CLVS1: variants seen among roughly 807,000 people sequenced by gnomAD.
The protein encoded by CLVS1 is clavesin-1.
In CLVS1, 10 loss-of-function variants were observed where a neutral mutation model predicts 33.1. That is an observed-to-expected ratio of 0.30 (90% CI 0.19 to 0.51). The LOEUF (loss-of-function observed/expected upper bound fraction) is 0.51. Among genes scored for constraint, CLVS1 ranks in the 20% least tolerant of loss-of-function variants. The pLI, the probability that CLVS1 is intolerant of heterozygous loss-of-function variation, is 0.97. For synonymous variants in CLVS1, 163 were observed against 166.1 expected (o/e 0.98, Z 0.14); for missense variants, 343 against 433.4 (o/e 0.79, Z 1.85).
chr8:61,198,130 T>C (rs897484785), intron 2 of CLVS1, among the ~76,000 whole-genome samples: 5 of 152,228 alleles, frequency 3.3e-5, no homozygotes, highest in African/African-American at 9.6e-5. Context: ...GTACAAATGA[T>C]GTAGGCTTCT....
At chr8:61,378,630 T>C (rs990363736) in intron 3 of CLVS1, among the ~76,000 whole-genome samples, 7 of 152,158 alleles carry the variant, frequency 4.6e-5, no homozygotes, top group Admixed American at 3.9e-4. Context: ...GTACAGTTCC[T>C]TCATCAAGGA....
At chr8:61,133,207 A>G (rs1011315484) in intron 2 of CLVS1, among the ~76,000 whole-genome samples, 4 of 152,118 alleles carry the variant, frequency 2.6e-5, no homozygotes, top group African/African-American at 7.2e-5. Flanking sequence ...AACAATGTCA[A>G]TGGAGTTCAA....
chr8:61,485,946 G>A (rs1252719588), intron 5 of CLVS1, among the ~76,000 whole-genome samples: 5 of 151,978 alleles, frequency 3.3e-5, no homozygotes, highest in South Asian at 2.1e-4. Context: ...GGGGCCTTTC[G>A]TGGGGTGGGG....
chr8:60,975,018 C>T, the CLVS1 span, among the ~76,000 whole-genome samples: 4 of 151,946 alleles, frequency 2.6e-5, no homozygotes, highest in South Asian at 2.1e-4. Flanking sequence ...AAAGCTCCCT[C>T]GATGGTTTTG....
chr8:61,373,018 C>T (rs1813500966), intron 2 of CLVS1, among the ~76,000 whole-genome samples: 1 of 152,218 alleles, frequency 6.6e-6, no homozygotes, highest in African/African-American at 2.4e-5. Context: ...AGCCACAATG[C>T]TCAGCTCACT....
rs1265187479 is a variant in CLVS1, at chr8:61,059,499, T to TATATATATATAC, written c.-243+2270_-243+2271insTATATATATACA. Among the ~76,000 whole-genome samples the TATATATATATAC allele has an allele frequency of 8.9e-4, 86 of 96,330 alleles. 1 individual carries two copies. The highest frequency in any genetic ancestry group is 6.7e-3 in the South Asian group (17 of 2,546). The allele number at this position is 96,330 out of a possible 152,430, so 63.2% of individuals were successfully genotyped here. A position where few individuals can be genotyped will look rare whatever the true frequency, so the allele number is the denominator to read the frequency against. Reference sequence around the variant, plus strand: ...ACATATATATATATATATATATATATACACATATCTTGAAAATAGCACGAG... The same window carrying TATATATATATAC: ...ACATATATATATATATATATATATATATATATATATACACACATATCTTGAAAATAGCACGAG... On this transcript the variant is annotated intron_variant, in intron 1 of 2. Coordinates refer to the CLVS1 transcript ENST00000522621.
At chr8:61,452,322 A>T (rs1563558978) in intron 3 of CLVS1, among the ~76,000 whole-genome samples, 2 of 152,224 alleles carry the variant, frequency 1.3e-5, no homozygotes. Context: ...ATAACACACC[A>T]TCAATAGAAA....
At chr8:61,462,610 T>C (rs868019044) in intron 5 of CLVS1, among the ~76,000 whole-genome samples, 11 of 152,326 alleles carry the variant, frequency 7.2e-5, no homozygotes, top group Middle Eastern at 6.8e-3. Context: ...CTTGTACATA[T>C]CCACCAGAGC....
At chr8:61,060,584 C>T (rs914581742) in intron 1 of CLVS1, among the ~76,000 whole-genome samples, 1 of 152,152 alleles carries the variant, frequency 6.6e-6, no homozygotes, top group Non-Finnish European at 1.5e-5. Flanking sequence ...GAAATGAGAA[C>T]AGGTCTCAAT....
intron 2 of CLVS1, among the ~76,000 whole-genome samples, chr8:61,269,984 T>G (rs1453507477): frequency 2.0e-5 from 3 of 148,944 alleles, no homozygotes; most frequent in Non-Finnish European, 4.5e-5. Flanking sequence ...CTTCCTCTTT[T>G]CCTAATTGAA....
chr8:61,471,971 C>T (rs1361445791), intron 5 of CLVS1, among the ~76,000 whole-genome samples: 1 of 152,234 alleles, frequency 6.6e-6, no homozygotes, highest in Non-Finnish European at 1.5e-5. Context: ...TGGCTTCCAT[C>T]CACTCCTTCT....
Position 61,130,485 on chromosome 8 carries a change from A to G in CLVS1, c.-242-1285A>G, listed in dbSNP as rs151012241. On this transcript the variant is annotated intron_variant, in intron 1 of 2. Coordinates refer to the CLVS1 transcript ENST00000522621. ...TAACGAATTAGTTCACCTATCTGTC[A>G]TCACTCAAAAGAGCTTTTAAGCCAG... 3.2e-3 allele frequency among the ~76,000 whole-genome samples: 489 copies of G among 152,282 alleles called. 3 individuals are homozygous for G. Among genetic ancestry groups the G allele is most frequent in the African/African-American group, 0.01 (431 of 41,572 alleles).
intron 3 of CLVS1, among the ~76,000 whole-genome samples, chr8:61,426,009 G>T (rs1004042605): frequency 1.2e-4 from 19 of 152,218 alleles, no homozygotes; most frequent in African/African-American, 4.3e-4. Context: ...TAGGGATGCA[G>T]ATTATGCCTG....
At chr8:61,426,579 A>G (rs1208586275) in intron 3 of CLVS1, among the ~76,000 whole-genome samples, 3 of 152,158 alleles carry the variant, frequency 2.0e-5, no homozygotes, top group African/African-American at 7.2e-5. Context: ...TTCTGACAGT[A>G]TTCAGTGGAG....
intron 5 of CLVS1, among the ~76,000 whole-genome samples, chr8:61,460,812 A>G (rs191325949): frequency 6.6e-6 from 1 of 152,242 alleles, no homozygotes; most frequent in Admixed American, 6.5e-5. Context: ...TGACTAGAGC[A>G]CTGCCACCTC....
At chr8:61,282,967 G>T (rs1256625979), upstream of CLVS1, among the ~76,000 whole-genome samples, 1 of 152,184 alleles carries the variant, frequency 6.6e-6, no homozygotes, top group South Asian at 2.1e-4. Flanking sequence ...AGCAATGAGT[G>T]ATCAAAATGT....
intron 2 of CLVS1, among the ~76,000 whole-genome samples, chr8:61,315,889 T>C (rs1810992709): frequency 6.6e-6 from 1 of 152,036 alleles, no homozygotes; most frequent in South Asian, 2.1e-4. Flanking sequence ...AGCCCCCAAC[T>C]CCCCAATAGG....
In CLVS1 at chr8:61,369,266, C is replaced by T. The variant is rs1052540608; in HGVS notation, c.456-7339C>T. Among the ~76,000 whole-genome samples, 27 of 152,302 alleles carry T rather than the reference C, an allele frequency of 1.8e-4. 1 individual carries two copies. In the East Asian group the frequency reaches 2.9e-3, roughly 16 times the overall value. The stretch of plus-strand genomic sequence containing the variant: ...TTAATTCTACTAGAGCAAAGCCAAA[C>T]ATTTTTCATTAGCACACTTCTTGAA... On this transcript the variant is annotated intron_variant, in intron 2 of 5. Coordinates refer to ENST00000325897, the MANE Select transcript of CLVS1 (RefSeq NM_173519.3).
chr8:61,435,424 T>C (rs948478567), intron 3 of CLVS1, among the ~76,000 whole-genome samples: 1 of 152,198 alleles, frequency 6.6e-6, no homozygotes, highest in African/African-American at 2.4e-5. Context: ...CTTAGGGCCA[T>C]AGTCAGTATG....
Sources: allele counts gnomAD v4.1 joint callset (sites outside exome capture counted in the v4.1 genomes callset), GRCh38; gene constraint gnomAD v4.1.1; transcripts MANE v1.5; gene names NCBI Gene and HGNC (gene_info 2026-07-23, HGNC 2026-07-21).